Variants in SORCS2 observed in about 807,000 individuals in gnomAD.
SORCS2 encodes the protein sortilin related VPS10 domain containing receptor 2.
Under a neutral mutation model 141.6 loss-of-function variants are expected in SORCS2, and 100 were observed. The ratio of observed to expected loss-of-function variants is 0.71; its 90% CI spans 0.60 to 0.83. SORCS2 has a LOEUF of 0.83. SORCS2 is among the 40% of genes least tolerant of loss of function. The probability of loss-of-function intolerance (pLI) is 0.00; values close to 1 mark genes in which losing one functional copy is unlikely to be tolerated. For missense variants in SORCS2, 1,646 were observed against 1,560.2 expected (o/e 1.05, Z -0.93); for synonymous variants, 789 against 676.9 (o/e 1.17, Z -2.57).
At chr4:7,604,543 C>T (rs1325641381) in intron 3 of SORCS2, among the ~76,000 whole-genome samples, 1 of 152,150 alleles carries the variant, frequency 6.6e-6, no homozygotes, top group Non-Finnish European at 1.5e-5. Context: ...GGTCTCCATC[C>T]CCGCCTCGGC....
At chr4:7,441,035 G>A (rs115342231) in intron 2 of SORCS2, among the ~76,000 whole-genome samples, 3,382 of 152,250 alleles carry the variant, frequency 0.022, 37 homozygotes, top group South Asian at 0.037. Flanking sequence ...AGGTGGTGCT[G>A]TCGGTCCCTG....
chr4:7,447,130 A>C (rs1728053312), intron 2 of SORCS2, among the ~76,000 whole-genome samples: 1 of 152,194 alleles, frequency 6.6e-6, no homozygotes, highest in South Asian at 2.1e-4. Flanking sequence ...GGGGGCTGGA[A>C]GTCCTAGATC....
intron 2 of SORCS2, chr4:7,434,867 G>A: frequency 6.4e-6 from 10 of 1,573,124 alleles, no homozygotes; most frequent in African/African-American, 1.4e-5. Context: ...AGGAGGAGCA[G>A]GGCACACAGC....
chr4:7,381,045 G>T (rs953836062), intron 1 of SORCS2, among the ~76,000 whole-genome samples: 2 of 139,956 alleles, frequency 1.4e-5, no homozygotes, highest in African/African-American at 5.4e-5. Flanking sequence ...TTGCGCCACT[G>T]CACTCCAGCC....
chr4:7,203,676 A>T (rs1727591677), intron 1 of SORCS2, among the ~76,000 whole-genome samples: 2 of 152,224 alleles, frequency 1.3e-5, no homozygotes, highest in South Asian at 4.1e-4. Context: ...TGTAACATAA[A>T]TTCACTGTTT....
intron 1 of SORCS2, among the ~76,000 whole-genome samples, chr4:7,293,302 TAAAA>T (rs74517356): frequency 7.8e-6 from 1 of 127,576 alleles, no homozygotes. Flanking sequence ...AGACTCCATC[TAAAA>T]AAAAAAAAAA....
At chr4:7,501,019 C>T (rs1272459469) in intron 2 of SORCS2, among the ~76,000 whole-genome samples, 1 of 152,256 alleles carries the variant, frequency 6.6e-6, no homozygotes, top group Non-Finnish European at 1.5e-5. Context: ...TGAGCCGCTA[C>T]AGCTGTAGCA....
At chr4:7,339,902 C>T (rs1293116852) in intron 1 of SORCS2, among the ~76,000 whole-genome samples, 6 of 152,182 alleles carry the variant, frequency 3.9e-5, no homozygotes, top group African/African-American at 1.4e-4. Context: ...AACCCAGGCT[C>T]TGCCAAGCAG....
chr4:7,210,210 G>A (rs539695213), intron 1 of SORCS2, among the ~76,000 whole-genome samples: 57 of 152,252 alleles, frequency 3.7e-4, no homozygotes, highest in African/African-American at 1.1e-3. Context: ...CTGGGCCCCC[G>A]GTCATCTTTG....
chr4:7,577,907 C>T (rs1162221054), intron 3 of SORCS2, among the ~76,000 whole-genome samples: 8 of 150,248 alleles, frequency 5.3e-5, no homozygotes, highest in Non-Finnish European at 1.2e-4. Context: ...ATATAGCATA[C>T]AGGCGAAGTC....
At chr4:7,690,598 GTGAGTGGATGGATGGA>G (rs756127184) in intron 11 of SORCS2, among the ~76,000 whole-genome samples, 31 of 151,810 alleles carry the variant, frequency 2.0e-4, no homozygotes, top group Non-Finnish European at 3.8e-4. Flanking sequence ...AGGTGGATGG[GTGAGTGGATGGATGGA>G]TGAGTGGATG....
chr4:7,196,597 C>T (rs2108850608), intron 1 of SORCS2, among the ~76,000 whole-genome samples: 1 of 151,920 alleles, frequency 6.6e-6, no homozygotes, highest in Middle Eastern at 3.4e-3. Flanking sequence ...AGAAGATCAG[C>T]ACCTCCCTCC....
intron 2 of SORCS2, among the ~76,000 whole-genome samples, chr4:7,525,492 G>A (rs532539687): frequency 2.0e-5 from 3 of 152,100 alleles, no homozygotes; most frequent in South Asian, 2.1e-4. Flanking sequence ...CTGACTCCCA[G>A]CCCAGCCCTC....
chr4:7,198,435 T>A (rs367620256), intron 1 of SORCS2, among the ~76,000 whole-genome samples: 1 of 152,218 alleles, frequency 6.6e-6, no homozygotes, highest in Non-Finnish European at 1.5e-5. Context: ...TATTTAAGTA[T>A]GCTGAACTTG....
intron 12 of SORCS2, among the ~76,000 whole-genome samples, chr4:7,702,396 C>T (rs1725146432): frequency 6.6e-6 from 1 of 152,246 alleles, no homozygotes; most frequent in Non-Finnish European, 1.5e-5. Flanking sequence ...CCCTTGTGTC[C>T]TGGTGTGACT....
chr4:7,518,919 C>G (rs1034327566), intron 2 of SORCS2, among the ~76,000 whole-genome samples: 1 of 152,154 alleles, frequency 6.6e-6, no homozygotes, highest in Non-Finnish European at 1.5e-5. Context: ...GTGCCAAGTA[C>G]AGCTTCAGCC....
At chr4:7,476,164 T>G (rs534685727) in intron 2 of SORCS2, among the ~76,000 whole-genome samples, 8 of 152,204 alleles carry the variant, frequency 5.3e-5, no homozygotes, top group Admixed American at 2.6e-4. Context: ...CATGGATGGT[T>G]AGGAAGGATA....
intron 3 of SORCS2, among the ~76,000 whole-genome samples, chr4:7,565,660 G>A (rs1017524683): frequency 1.3e-5 from 2 of 149,060 alleles, no homozygotes; most frequent in Admixed American, 1.3e-4. Flanking sequence ...TGGTGATGAT[G>A]TGATGATGCT....
chr4:7,667,387 C>A (rs1186763229), intron 8 of SORCS2, among the ~76,000 whole-genome samples, 174 bp downstream of exon 8: 2 of 152,240 alleles, frequency 1.3e-5, no homozygotes, highest in African/African-American at 4.8e-5. Context: ...TTCCAGCCCA[C>A]CCAGCCCTTC....
Sources: gnomAD v4.1 joint callset for allele counts (sites outside exome capture counted in the v4.1 genomes callset) on GRCh38, gnomAD v4.1.1 for gene constraint, MANE v1.5 for transcripts, NCBI Gene and HGNC (gene_info 2026-07-23, HGNC 2026-07-21) for gene names.